TMC1: variants seen among roughly 807,000 people sequenced by gnomAD.
TMC1 encodes transmembrane channel-like protein 1.
In TMC1, 84 loss-of-function variants were observed where a neutral mutation model predicts 105.8. That is an observed-to-expected ratio of 0.79 (90% CI 0.67 to 0.95). The LOEUF is 0.95. Among genes scored for constraint, TMC1 ranks in the 40% least tolerant of loss-of-function variants. TMC1 has a pLI of 0.00. For missense variants in TMC1, 817 were observed against 914.1 expected (o/e 0.89, Z 1.37); for synonymous variants, 315 against 311.5 (o/e 1.01, Z -0.12).
chr9:72,685,864 G>T (rs201808537), intron 5 of TMC1, among the ~76,000 whole-genome samples: 2 of 152,216 alleles, frequency 1.3e-5, no homozygotes, highest in East Asian at 3.9e-4. Flanking sequence ...AAGTAAATGT[G>T]GGTCAGAGAA....
intron 20 of TMC1, among the ~76,000 whole-genome samples, chr9:72,826,108 T>C (rs903050301): frequency 6.6e-6 from 1 of 152,250 alleles, no homozygotes; most frequent in Admixed American, 6.5e-5. Flanking sequence ...AAATCTCTTC[T>C]GAAAATTACA....
chr9:72,613,217 C>T lies in TMC1; in HGVS notation c.-305-3151C>T, dbSNP rs377071924. On this transcript the variant is annotated intron_variant, in intron 2 of 23. Coordinates refer to ENST00000297784, the MANE Select transcript of TMC1 (RefSeq NM_138691.3). ...CGGGATCTTGGCTCACTGCAACCTC[C>T]GCCTCCCGGGTTCAAGCGATTCTCC... Among the ~76,000 whole-genome samples the T allele has an allele frequency of 4.6e-5, 7 of 151,504 alleles. No individual in the cohort carries two copies. In the East Asian group the frequency reaches 7.8e-4, roughly 17 times the overall value.
At chr9:72,754,157 A>T (rs904589286) in intron 11 of TMC1, among the ~76,000 whole-genome samples, 1 of 152,090 alleles carries the variant, frequency 6.6e-6, no homozygotes, top group Non-Finnish European at 1.5e-5. Context: ...GCACCTTCCT[A>T]TGACCCTATT....
chr9:72,706,074 T>C (rs1318774864), intron 8 of TMC1, among the ~76,000 whole-genome samples: 1 of 152,210 alleles, frequency 6.6e-6, no homozygotes, highest in African/African-American at 2.4e-5. Flanking sequence ...TGTTTGTTTT[T>C]TATTTTGTTT....
chr9:72,536,373 C>T (rs1823584984), intron 1 of TMC1, among the ~76,000 whole-genome samples: 1 of 152,134 alleles, frequency 6.6e-6, no homozygotes, highest in African/African-American at 2.4e-5. Context: ...CGCTCCGTCA[C>T]CCAGGCTGGA....
intron 17 of TMC1, 43 bp from the exon 18 acceptor site, chr9:72,805,339 G>C: frequency 6.2e-7 from 1 of 1,609,006 alleles, no homozygotes; most frequent in East Asian, 2.2e-5. Flanking sequence ...AGGACCATTT[G>C]AAGACAGAAC....
chr9:72,816,101 C>G, intron 18 of TMC1, 42 bp from the exon 19 acceptor site: 2 of 1,590,196 alleles, frequency 1.3e-6, no homozygotes, highest in Non-Finnish European at 1.7e-6. Context: ...TCAGTTTTGA[C>G]CATGTGAGAC....
At chr9:72,679,459 A>G (rs1826254705) in intron 5 of TMC1, among the ~76,000 whole-genome samples, 1 of 152,086 alleles carries the variant, frequency 6.6e-6, no homozygotes. Flanking sequence ...ACAGAGTGCA[A>G]CATATAATTG....
At chr9:72,661,852 A>G (rs1825973781) in intron 5 of TMC1, among the ~76,000 whole-genome samples, 1 of 152,142 alleles carries the variant, frequency 6.6e-6, no homozygotes, top group African/African-American at 2.4e-5. Context: ...TAGTTGCTAA[A>G]CTCATAGCTG....
chr9:72,581,214 C>T (rs543921091), intron 2 of TMC1, among the ~76,000 whole-genome samples: 3 of 152,192 alleles, frequency 2.0e-5, no homozygotes, highest in Non-Finnish European at 4.4e-5. Context: ...ATGCATCACC[C>T]TTAACTAGCA....
In TMC1 at chr9:72,650,872, T is replaced by TTATATA. The variant is rs71495328; in HGVS notation, c.16+2213_16+2218dup. 2.3e-3 allele frequency among the ~76,000 whole-genome samples: 272 copies of TTATATA among 119,820 alleles called. 3 individuals are homozygous for TTATATA. Among genetic ancestry groups the TTATATA allele is most frequent in the African/African-American group, 6.2e-3 (185 of 29,680 alleles). The allele number at this position is 119,820 out of a possible 152,430, so 78.6% of individuals were successfully genotyped here. A position where few individuals can be genotyped will look rare whatever the true frequency, so the allele number is the denominator to read the frequency against. On this transcript the variant is annotated intron_variant, in intron 5 of 23. Transcript: ENST00000297784. ...GCTGCATGGTATTTCATGGTGTATTTTATATATATAGATATATAGATATAT... is the reference window on the plus strand; with the variant it reads ...GCTGCATGGTATTTCATGGTGTATTTTATATATATATATATAGATATATAGATATAT...
At chr9:72,571,376 T>C (rs558387506) in intron 1 of TMC1, among the ~76,000 whole-genome samples, 9 of 149,290 alleles carry the variant, frequency 6.0e-5, no homozygotes, top group Non-Finnish European at 4.4e-5. Flanking sequence ...ACTTCTCTCT[T>C]TCTCTCTCTC....
At chr9:72,745,789 G>T (rs972207215) in intron 10 of TMC1, among the ~76,000 whole-genome samples, 2 of 152,104 alleles carry the variant, frequency 1.3e-5, no homozygotes, top group African/African-American at 4.8e-5. Flanking sequence ...CTGAGTTGAG[G>T]ACTTTTTGAC....
chr9:72,775,203 GGTTTTAA>G (rs1182153254), intron 13 of TMC1, among the ~76,000 whole-genome samples: 1 of 151,558 alleles, frequency 6.6e-6, no homozygotes, highest in African/African-American at 2.4e-5. Context: ...TGGTCACCTT[GGTTTTAA>G]GTCCTTCCCT....
chr9:72,621,800 A>G (rs1232598938), intron 3 of TMC1, among the ~76,000 whole-genome samples: 1 of 152,192 alleles, frequency 6.6e-6, no homozygotes, highest in Non-Finnish European at 1.5e-5. Flanking sequence ...GCACATTTAT[A>G]AGGAAATTTT....
chr9:72,561,598 G>A (rs973175113), intron 1 of TMC1, among the ~76,000 whole-genome samples: 2 of 152,148 alleles, frequency 1.3e-5, no homozygotes, highest in African/African-American at 4.8e-5. Flanking sequence ...GCCAGGCACT[G>A]TTTTCAGCTT....
intron 2 of TMC1, among the ~76,000 whole-genome samples, chr9:72,595,252 C>CCTGTATCTGGTGTCCTCA (rs1477148446): frequency 1.3e-5 from 2 of 152,094 alleles, no homozygotes; most frequent in Non-Finnish European, 2.9e-5. Context: ...CAGTTACTTC[C>CCTGTATCTGGTGTCCTCA]CTGTATCTGG....
chr9:72,646,782 T>C (rs1825719398), intron 4 of TMC1, among the ~76,000 whole-genome samples: 1 of 152,070 alleles, frequency 6.6e-6, no homozygotes, highest in Non-Finnish European at 1.5e-5. Context: ...ATTTTTTTCC[T>C]GTAGGTGTGC....
chr9:72,703,430 A>G (rs984824636), intron 8 of TMC1, among the ~76,000 whole-genome samples: 1 of 152,176 alleles, frequency 6.6e-6, no homozygotes, highest in African/African-American at 2.4e-5. Flanking sequence ...CCCAGCCTCA[A>G]TCTTTTAAAA....
Sources: gnomAD v4.1 joint callset for allele counts (sites outside exome capture counted in the v4.1 genomes callset) on GRCh38, gnomAD v4.1.1 for gene constraint, MANE v1.5 for transcripts, NCBI Gene and HGNC (gene_info 2026-07-23, HGNC 2026-07-21) for gene names.